PRDM9: variants seen among roughly 807,000 people sequenced by gnomAD.
PRDM9 encodes histone-lysine N-methyltransferase PRDM9.
In PRDM9, 47 loss-of-function variants were observed where a neutral mutation model predicts 55.6. That is an observed-to-expected ratio of 0.85 (90% CI 0.67 to 1.08). The LOEUF (loss-of-function observed/expected upper bound fraction) is 1.08. Among genes scored for constraint, PRDM9 ranks in the 50% least tolerant of loss-of-function variants. PRDM9 has a pLI of 0.00. For synonymous variants in PRDM9, 312 were observed against 375.7 expected, an observed-to-expected ratio of 0.83 and a Z score of 1.96; for missense variants, 867 against 1,040.3, an observed-to-expected ratio of 0.83 and a Z score of 2.29.
Position 23,508,931 on chromosome 5 carries a change from G to C in PRDM9, c.-84-19G>C, listed in dbSNP as rs1201482435. The C allele has an allele frequency of 2.1e-5, 30 of 1,404,228 alleles. No individual in the cohort carries two copies. Among genetic ancestry groups the C allele is most frequent in the Non-Finnish European group, 3.0e-5 (30 of 1,010,002 alleles). The allele number at this position is 1,404,228 out of a possible 1,614,324, so 87.0% of individuals were successfully genotyped here. A position where few individuals can be genotyped will look rare whatever the true frequency, so the allele number is the denominator to read the frequency against. On this transcript the variant is annotated intron_variant, in intron 1 of 10. Coordinates refer to ENST00000296682, the MANE Select transcript of PRDM9 (RefSeq NM_020227.4). Reference sequence around the variant, plus strand: ...TGCTCAGGGCTGTTGCCCCCTCTCAGCACCTTCTCCTTCCACAGGAGCCTT... The same window carrying C: ...TGCTCAGGGCTGTTGCCCCCTCTCACCACCTTCTCCTTCCACAGGAGCCTT...
At position 23,517,460 on chromosome 5, in the gene PRDM9, T is replaced by A. The variant is rs553630349; in HGVS notation, c.302-421T>A. Among the ~76,000 whole-genome samples, 252 of 152,222 alleles carry A rather than the reference T, an allele frequency of 1.7e-3. 1 individual carries two copies. The highest frequency in any genetic ancestry group is 5.9e-3 in the African/African-American group (247 of 41,550). ...TGGATAATACTTGGAATCATCACTC[T>A]CTGATTCAGAATTCTCTGTCTCTAA... On this transcript the variant is annotated intron_variant, in intron 4 of 10. Coordinates refer to ENST00000296682, the MANE Select transcript of PRDM9 (RefSeq NM_020227.4).
Position 23,526,446 on chromosome 5 carries a change from G to A in PRDM9, c.1358G>A (p.Gly453Asp). The A allele has an allele frequency of 2.5e-6, 4 of 1,614,152 alleles. No individual in the cohort carries two copies. The highest frequency in any genetic ancestry group is 1.7e-6 in the Non-Finnish European group (2 of 1,180,032). Reference protein sequence around the residue: ...DPHSRNDKTKGQEIKERSKLL... With the variant: ...DPHSRNDKTKDQEIKERSKLL... Reference sequence around the variant, plus strand: ...CACAGCCGTAATGACAAAACCAAAGGTCAAGAGATCAAAGAAAGGTCCAAA... The same window carrying A: ...CACAGCCGTAATGACAAAACCAAAGATCAAGAGATCAAAGAAAGGTCCAAA... Residue 453 changes from glycine to aspartate, a missense_variant, in exon 11 of 11, where the codon GGT becomes GAT. Gly to Asp is a moderately conservative substitution (Grantham distance 94). Coordinates refer to ENST00000296682, the MANE Select transcript of PRDM9 (RefSeq NM_020227.4).
chr5:23,524,524 A>C lies in PRDM9; in HGVS notation c.1141A>C (p.Arg381=), dbSNP rs773709600. 3.2e-5 allele frequency: 51 copies of C among 1,613,772 alleles called. No individual in the cohort carries two copies. The highest frequency in any genetic ancestry group is 1.2e-4 in the Admixed American group (7 of 59,994). Residue 381 remains arginine (R), a synonymous_variant, in exon 10 of 11, where the codon AGA becomes CGA. Coordinates refer to ENST00000296682, the MANE Select transcript of PRDM9 (RefSeq NM_020227.4). ...SKWKKELMAG[R]EPKPEIHPCP... ...GTGGAAGAAAGAGCTCATGGCAGGG[A>C]GAGGTAGGCATCACTATTACTCTTT...
chr5:23,509,348 G>C (rs1739042818), intron 2 of PRDM9, 122 bp from the exon 3 acceptor site: 1 of 1,534,144 alleles, frequency 6.5e-7, no homozygotes, highest in Admixed American at 1.7e-5. Context: ...AAGGAGGGAA[G>C]ATCTTTATGT....
chr5:23,517,930 G>A lies in PRDM9; in HGVS notation c.351G>A (p.Lys117=). ...GAGTGGAACAGCGTAAACACCAGAA[G>A]GTAAGTATTTCCCAAATCCTATTGA... ...ALRVEQRKHQ[K]GMPKASFSNE... The change falls in exon 5 of 11, where the codon AAG becomes AAA. Residue 117 remains lysine (K), a splice_region_variant and synonymous_variant. Coordinates refer to ENST00000296682, the MANE Select transcript of PRDM9 (RefSeq NM_020227.4). The A allele has an allele frequency of 6.3e-7, 1 of 1,593,238 alleles. No individual in the cohort carries two copies.
chr5:23,521,646 A>G (rs1739330211), intron 6 of PRDM9, among the ~76,000 whole-genome samples: 1 of 152,150 alleles, frequency 6.6e-6, no homozygotes, highest in Non-Finnish European at 1.5e-5. Flanking sequence ...CCTTGGATAC[A>G]GTATTGAATA....
chr5:23,526,810 C>T lies in PRDM9; in HGVS notation c.1722C>T (p.His574=), dbSNP rs1475340501. The change falls in exon 11 of 11, where the codon CAC becomes CAT. Residue 574 remains histidine, a synonymous_variant. Transcript: ENST00000296682. The part of the protein sequence containing the change: ...KSHLLIHQRI[H]TGEKPYVCRE... ...ACCTCCTCATTCACCAGAGGATACA[C>T]ACAGGGGAGAAGCCCTATGTCTGCA... The T allele has an allele frequency of 6.3e-7, 1 of 1,586,416 alleles. No homozygotes were observed. The highest frequency in any genetic ancestry group is 1.1e-5 in the South Asian group (1 of 88,432).
intron 3 of PRDM9, 90 bp from the exon 4 acceptor site, chr5:23,509,830 C>A: frequency 1.4e-6 from 2 of 1,432,360 alleles, no homozygotes; most frequent in East Asian, 2.3e-5. Flanking sequence ...GACTGAGCAG[C>A]ACTGGCTTTG....
At chr5:23,508,895 G>A in intron 1 of PRDM9, 55 bp from the exon 2 acceptor site, 2 of 991,060 alleles carry the variant, frequency 2.0e-6, no homozygotes, top group Non-Finnish European at 1.5e-6. Context: ...ACAGAGCCTG[G>A]TTCTGGGTAG....
At chr5:23,510,234 T>C (rs1240180965) in intron 4 of PRDM9, among the ~76,000 whole-genome samples, 1 of 151,766 alleles carries the variant, frequency 6.6e-6, no homozygotes, top group African/African-American at 2.4e-5. Context: ...TTTTGTAAAT[T>C]TTTTTTAGTA....
chr5:23,520,325 A>T (rs1739305093), intron 5 of PRDM9, among the ~76,000 whole-genome samples: 1 of 145,420 alleles, frequency 6.9e-6, no homozygotes, highest in Non-Finnish European at 1.5e-5. Flanking sequence ...ATATCGTGCC[A>T]CTGCACTTCA....
chr5:23,507,377 T>TC (rs1322783684), upstream of PRDM9: 1 of 151,986 alleles, frequency 6.6e-6, no homozygotes, highest in Non-Finnish European at 1.5e-5. Context: ...TTACACGCAA[T>TC]CCCCTCTGGG....
In PRDM9 at chr5:23,522,711, C is replaced by T. The variant is rs1416627416; in HGVS notation, c.708C>T (p.Asn236=). The change falls in exon 8 of 11, where the codon AAC becomes AAT. Residue 236 remains asparagine, a synonymous_variant. Coordinates refer to ENST00000296682, the MANE Select transcript of PRDM9 (RefSeq NM_020227.4). The part of the protein sequence containing the change: ...KDSAVDKGHP[N]RSALSLPPGL... Reference sequence around the variant, plus strand: ...GTGCAGTGGACAAGGGGCACCCCAACCGTTCAGCCCTCAGTCTGCCCCCAG... The same window carrying T: ...GTGCAGTGGACAAGGGGCACCCCAATCGTTCAGCCCTCAGTCTGCCCCCAG... The T allele has an allele frequency of 3.7e-6, 6 of 1,614,136 alleles. No individual in the cohort carries two copies. The highest frequency in any genetic ancestry group is 4.2e-6 in the Non-Finnish European group (5 of 1,180,062).
intron 8 of PRDM9, 50 bp downstream of exon 8, chr5:23,522,935 G>C (rs370570454): frequency 1.6e-5 from 26 of 1,613,790 alleles, no homozygotes; most frequent in Non-Finnish European, 1.2e-5. Context: ...CATCCCTTCT[G>C]TGCCTTTGGT....
Position 23,526,951 on chromosome 5 carries a change from A to C in PRDM9, c.1863A>C (p.Ser621=), listed in dbSNP as rs372503245. 1.6e-6 allele frequency: 1 copy of C among 631,458 alleles called. No homozygotes were observed. The highest frequency in any genetic ancestry group is 1.9e-5 in the South Asian group (1 of 51,480). The allele number at this position is 631,458 out of a possible 1,614,324, so 39.1% of individuals were successfully genotyped here. A position where few individuals can be genotyped will look rare whatever the true frequency, so the allele number is the denominator to read the frequency against. The change falls in exon 11 of 11, where the codon TCA becomes TCC. Residue 621 remains serine, a synonymous_variant. Transcript: ENST00000296682. The part of the protein sequence containing the change: ...RECGRGFSRQ[S]VLLTHQRRHT... ...GTGGGCGGGGCTTTAGCCGGCAGTC[A>C]GTCCTCCTCACTCACCAGAGGAGAC...
At chr5:23,522,168 C>A in intron 6 of PRDM9, 136 bp from the exon 7 acceptor site, 1 of 791,582 alleles carries the variant, frequency 1.3e-6, no homozygotes, top group Non-Finnish European at 2.2e-6. Context: ...CTCTCTGAAG[C>A]AGTAGTTAAA....
rs200386479 is a variant in PRDM9 at position 23,524,417 on chromosome 5, G to A, written c.1034G>A (p.Arg345Gln). ...AGGCAGATCTTCTATAGAACCTGCC[G>A]AGTCATTAGGCCAGGCTGTGAACTG... Reference protein sequence around the residue: ...YHRQIFYRTCRVIRPGCELLV... With the variant: ...YHRQIFYRTCQVIRPGCELLV... The change falls in exon 10 of 11, where the codon CGA (arginine) becomes CAA (glutamine). Residue 345 changes from arginine to glutamine, a missense_variant. Physicochemically the swap from Arg to Gln is conservative, Grantham distance 43. Around this residue, in one of 5 missense-constraint regions of PRDM9, gnomAD observed 662 missense variants for 711.9 expected, o/e 0.93. Coordinates refer to ENST00000296682, the MANE Select transcript of PRDM9 (RefSeq NM_020227.4). 229 of 1,613,936 alleles carry A rather than the reference G, an allele frequency of 1.4e-4. No homozygotes were observed. In the African/African-American group the frequency reaches 1.5e-3, roughly 10 times the overall value.
intron 4 of PRDM9, among the ~76,000 whole-genome samples, chr5:23,515,877 T>C (rs1369093284): frequency 6.6e-6 from 1 of 152,244 alleles, no homozygotes; most frequent in African/African-American, 2.4e-5. Flanking sequence ...TATATGTCTG[T>C]CTTTATACCA....
At chr5:23,518,527 T>G (rs539242876) in intron 5 of PRDM9, among the ~76,000 whole-genome samples, 2 of 152,322 alleles carry the variant, frequency 1.3e-5, no homozygotes, top group East Asian at 3.9e-4. Flanking sequence ...AGACAGTTCA[T>G]ACTGTGTTTG....
Sources: gnomAD v4.1 joint callset for allele counts (sites outside exome capture counted in the v4.1 genomes callset) on GRCh38, gnomAD v4.1.1 for gene constraint, gnomAD v4.1.1 regional missense constraint, MANE v1.5 for transcripts, NCBI Gene and HGNC (gene_info 2026-07-23, HGNC 2026-07-21) for gene names.